Variants in LZTFL1 observed in about 807,000 individuals in gnomAD.
LZTFL1 encodes the protein leucine zipper transcription factor-like protein 1.
Under a neutral mutation model 45.9 loss-of-function variants are expected in LZTFL1, and 25 were observed. The observed-to-expected ratio is 0.54, with a 90% CI of 0.40 to 0.76. LZTFL1 has a LOEUF of 0.76. Among genes scored for constraint, LZTFL1 ranks in the 30% least tolerant of loss-of-function variants. The pLI is 0.00. For synonymous variants in LZTFL1, 93 were observed against 117.4 expected, an observed-to-expected ratio of 0.79 and a Z score of 1.35; for missense variants, 277 against 331.1, an observed-to-expected ratio of 0.84 and a Z score of 1.27.
In LZTFL1 at chr3:45,842,043, C is replaced by A; in HGVS notation, c.-52G>T. 6.2e-7 allele frequency: 1 copy of A among 1,603,524 alleles called. No individual in the cohort carries two copies. The highest frequency in any genetic ancestry group is 8.5e-7 in the Non-Finnish European group (1 of 1,176,704). On this transcript the variant is annotated 5_prime_UTR_variant, in exon 1 of 10. Transcript: ENST00000296135. Reference sequence around the variant, plus strand: ...AGGAACGGGAGAGGCCAGGCGGTGCCCCGCCAAGCCTGGGATCGCCGAGGG... The same window carrying A: ...AGGAACGGGAGAGGCCAGGCGGTGCACCGCCAAGCCTGGGATCGCCGAGGG...
In LZTFL1 at chr3:45,881,898, G is replaced by C. The variant is rs577169887; in HGVS notation, c.-214-22882C>G. On this transcript the variant is annotated intron_variant, in intron 2 of 4. Transcript: ENST00000472635. ...ATATTAGCTGCTGAATAGCAGGTTG[G>C]TCTGGACCTGTACAATCCACTAGGG... Among the ~76,000 whole-genome samples, 7 of 152,372 alleles carry C rather than the reference G, an allele frequency of 4.6e-5. No homozygotes were observed. In the East Asian group the frequency reaches 9.6e-4, roughly 21 times the overall value.
intron 2 of LZTFL1, among the ~76,000 whole-genome samples, chr3:45,874,502 T>G (rs1049924804): frequency 2.0e-5 from 3 of 152,198 alleles, no homozygotes. Context: ...TTCTCATACT[T>G]CAGCTCTGAG....
At chr3:45,883,202 G>C (rs557863678) in intron 2 of LZTFL1, among the ~76,000 whole-genome samples, 1 of 152,044 alleles carries the variant, frequency 6.6e-6, no homozygotes, top group Non-Finnish European at 1.5e-5. Flanking sequence ...AATTAAACAC[G>C]GTCTCATTTT....
In LZTFL1 at chr3:45,900,346, G is replaced by T. The variant is rs1047537803; in HGVS notation, c.-215+12774C>A. Among the ~76,000 whole-genome samples the T allele has an allele frequency of 2.0e-5, 3 of 152,126 alleles. No homozygotes were observed. The highest frequency in any genetic ancestry group is 4.4e-5 in the Non-Finnish European group (3 of 68,040). On this transcript the variant is annotated intron_variant, in intron 2 of 4. Transcript: ENST00000472635. This position sits in a 1 kb window ranked among gnomAD's most constrained non-coding sequence, Gnocchi z 4.7. ...ACTCAGGGGACTGGGATCCAGATGA[G>T]TTTAAGAGCCCTTGCTAACCTTTTT...
chr3:45,837,254 T>C (rs1355110604), intron 2 of LZTFL1, among the ~76,000 whole-genome samples: 1 of 152,218 alleles, frequency 6.6e-6, no homozygotes, highest in Admixed American at 6.5e-5. Flanking sequence ...CCAATTAAAT[T>C]GTTGCTTTCA....
intron 2 of LZTFL1, chr3:45,902,810 GC>G (rs1702600793): frequency 6.0e-6 from 1 of 166,966 alleles, no homozygotes. Context: ...TCTTTCTGAG[GC>G]CCACTTTATT....
intron 2 of LZTFL1, among the ~76,000 whole-genome samples, chr3:45,911,139 T>TC (rs1196095929): frequency 1.3e-5 from 2 of 152,128 alleles, no homozygotes; most frequent in Non-Finnish European, 2.9e-5. Flanking sequence ...CCACACAGTG[T>TC]CCCTCTGCTC....
At chr3:45,870,540 A>AT (rs1462671957) in intron 2 of LZTFL1, among the ~76,000 whole-genome samples, 1 of 152,238 alleles carries the variant, frequency 6.6e-6, no homozygotes, top group Non-Finnish European at 1.5e-5. Flanking sequence ...CAGATGAACA[A>AT]TGAGTGCTTT....
intron 1 of LZTFL1, among the ~76,000 whole-genome samples, chr3:45,839,226 C>T (rs1232682512): frequency 2.0e-5 from 3 of 152,040 alleles, no homozygotes; most frequent in African/African-American, 7.2e-5. Flanking sequence ...GTAGCTGGGA[C>T]CACAGGCGCC....
chr3:45,884,250 G>A (rs981269085), intron 2 of LZTFL1: 3 of 152,350 alleles, frequency 2.0e-5, no homozygotes, highest in South Asian at 2.1e-4. Context: ...AATTCTAGTT[G>A]CAAAGAAAGA....
At chr3:45,872,379 G>A (rs1432594649) in intron 2 of LZTFL1, among the ~76,000 whole-genome samples, 3 of 152,112 alleles carry the variant, frequency 2.0e-5, no homozygotes. Flanking sequence ...GGAGAGGTCC[G>A]GACATTTTAG....
intron 2 of LZTFL1, among the ~76,000 whole-genome samples, chr3:45,861,979 G>A (rs1487204611): frequency 6.6e-6 from 1 of 152,092 alleles, no homozygotes; most frequent in Non-Finnish European, 1.5e-5. Flanking sequence ...CCACCTGGTG[G>A]TCATTATCTT....
intron 5 of LZTFL1, among the ~76,000 whole-genome samples, chr3:45,832,084 A>T (rs970452549): frequency 1.3e-5 from 2 of 151,966 alleles, no homozygotes; most frequent in African/African-American, 2.4e-5. Flanking sequence ...AAATACAAAA[A>T]ATTAGCCGGG....
intron 2 of LZTFL1, among the ~76,000 whole-genome samples, chr3:45,860,211 CAAAT>C (rs917938403): frequency 2.0e-5 from 3 of 151,646 alleles, no homozygotes; most frequent in Admixed American, 1.3e-4. Flanking sequence ...GACACTGTCT[CAAAT>C]AAATAAATAA....
At chr3:45,852,168 ACACT>A (rs1701319864) in intron 4 of LZTFL1, among the ~76,000 whole-genome samples, 1 of 152,220 alleles carries the variant, frequency 6.6e-6, no homozygotes, top group South Asian at 2.1e-4. Flanking sequence ...AAGAGTATTA[ACACT>A]CAGTAGTGTC....
chr3:45,894,406 T>A (rs1295256284), intron 2 of LZTFL1, among the ~76,000 whole-genome samples: 2 of 152,184 alleles, frequency 1.3e-5, no homozygotes, highest in African/African-American at 2.4e-5. Context: ...AAGGCCCTTT[T>A]CCTGGGGAGT....
chr3:45,901,128 T>A lies in LZTFL1; in HGVS notation c.-215+11992A>T. ...CATTGCTGCTGCTGACCAGTGGAAG[T>A]TCCAGACCTTCATGTGCAAGGTGGT... is the stretch of plus-strand genomic sequence containing the variant. On this transcript the variant is annotated intron_variant, in intron 2 of 4. Coordinates refer to the LZTFL1 transcript ENST00000472635. This position sits in a 1 kb window ranked among gnomAD's most constrained non-coding sequence, Gnocchi z 4.3. 1.9e-6 allele frequency: 3 copies of A among 1,614,192 alleles called. No individual in the cohort carries two copies. The African/African-American group carries it at 4.0e-5, about 22-fold the overall frequency.
At chr3:45,859,322 C>G (rs1233071492) in intron 2 of LZTFL1, among the ~76,000 whole-genome samples, 1 of 152,186 alleles carries the variant, frequency 6.6e-6, no homozygotes, top group Non-Finnish European at 1.5e-5. Context: ...AACTCCTGGC[C>G]TCAAGTGATC....
chr3:45,853,302 T>C (rs2125703406), intron 4 of LZTFL1, among the ~76,000 whole-genome samples: 1 of 152,324 alleles, frequency 6.6e-6, no homozygotes, highest in South Asian at 2.1e-4. Context: ...GACACAAAGT[T>C]ATATCATGTA....
Sources: gnomAD v4.1 joint callset for allele counts (sites outside exome capture counted in the v4.1 genomes callset) on GRCh38, gnomAD v4.1.1 for gene constraint, Gnocchi (gnomAD v3.1) non-coding constraint, MANE v1.5 for transcripts, NCBI Gene and HGNC (gene_info 2026-07-23, HGNC 2026-07-21) for gene names.